GBE1: variants seen among roughly 807,000 people sequenced by gnomAD.
The protein encoded by GBE1 is 1,4-alpha-glucan branching enzyme 1, also known as 1,4-alpha-glucan-branching enzyme.
In GBE1, 70 loss-of-function variants were observed where a neutral mutation model predicts 88.8. That is an observed-to-expected ratio of 0.79 (90% confidence interval 0.65 to 0.96). The LOEUF is 0.96. Among genes scored for constraint, GBE1 ranks in the 40% least tolerant of loss-of-function variants. The pLI is 0.00. For synonymous variants in GBE1, 284 were observed against 300.1 expected (o/e 0.95, Z 0.56); for missense variants, 872 against 871.0 (o/e 1.00, Z -0.01).
chr3:81,611,619 T>C (rs919904332), intron 7 of GBE1, among the ~76,000 whole-genome samples: 18 of 152,148 alleles, frequency 1.2e-4, no homozygotes, highest in Admixed American at 1.0e-3. Flanking sequence ...AGTTTCATCT[T>C]CTGAAGACCT....
At chr3:81,572,648 T>C (rs1364907872) in intron 12 of GBE1, among the ~76,000 whole-genome samples, 2 of 152,230 alleles carry the variant, frequency 1.3e-5, no homozygotes, top group African/African-American at 4.8e-5. Context: ...TATGCTTTAC[T>C]TGATATTTTA....
chr3:81,698,919 G>A (rs1705643656), intron 2 of GBE1, among the ~76,000 whole-genome samples: 1 of 152,194 alleles, frequency 6.6e-6, no homozygotes, highest in Non-Finnish European at 1.5e-5. Context: ...AAGGTGGTGA[G>A]AGCAACGAAA....
chr3:81,751,432 T>C (rs1025697644), intron 1 of GBE1, among the ~76,000 whole-genome samples: 21 of 152,350 alleles, frequency 1.4e-4, no homozygotes, highest in Non-Finnish European at 2.6e-4. Flanking sequence ...CCAGGCTCAC[T>C]TTCAGCTAAG....
chr3:81,507,144 G>A (rs965009770), intron 14 of GBE1, among the ~76,000 whole-genome samples: 5 of 150,886 alleles, frequency 3.3e-5, no homozygotes, highest in African/African-American at 1.2e-4. Flanking sequence ...TGACCTTTAT[G>A]ATTATATTTC....
chr3:81,603,039 T>A (rs1319862748), intron 7 of GBE1, among the ~76,000 whole-genome samples: 1 of 152,100 alleles, frequency 6.6e-6, no homozygotes, highest in Non-Finnish European at 1.5e-5. Flanking sequence ...CTATGGCTCC[T>A]CTATTCCTAA....
At chr3:81,513,263 T>C (rs1702748730) in intron 14 of GBE1, among the ~76,000 whole-genome samples, 1 of 151,530 alleles carries the variant, frequency 6.6e-6, no homozygotes, top group African/African-American at 2.4e-5. Flanking sequence ...AAGACAGTGC[T>C]GCAGGATACA....
intron 14 of GBE1, among the ~76,000 whole-genome samples, chr3:81,527,765 A>C (rs1225942822): frequency 6.6e-6 from 1 of 152,052 alleles, no homozygotes; most frequent in African/African-American, 2.4e-5. Flanking sequence ...TTACACTGTT[A>C]GTGGGAATGT....
intron 12 of GBE1, among the ~76,000 whole-genome samples, chr3:81,553,842 C>CTGAA: frequency 6.6e-6 from 1 of 152,128 alleles, no homozygotes; most frequent in Middle Eastern, 3.4e-3. Flanking sequence ...GTTTCCTTTT[C>CTGAA]TGAATGCCAG....
intron 7 of GBE1, among the ~76,000 whole-genome samples, chr3:81,614,729 C>T (rs998319418): frequency 3.9e-5 from 6 of 151,998 alleles, no homozygotes; most frequent in African/African-American, 7.2e-5. Context: ...CATGGTGGCA[C>T]GTGCCTGTAA....
At chr3:81,619,584 CACTT>C (rs1704298254) in intron 7 of GBE1, among the ~76,000 whole-genome samples, 1 of 151,968 alleles carries the variant, frequency 6.6e-6, no homozygotes, top group Admixed American at 6.6e-5. Context: ...AAATTATTAA[CACTT>C]AACACATCAT....
intron 3 of GBE1, among the ~76,000 whole-genome samples, chr3:81,667,124 G>T (rs145315623): frequency 9.3e-4 from 141 of 152,214 alleles, no homozygotes; most frequent in Middle Eastern, 3.4e-3. Context: ...ATTTCCTTGA[G>T]CAGTGGTTTG....
intron 1 of GBE1, among the ~76,000 whole-genome samples, chr3:81,726,985 A>G (rs1206939558): frequency 6.6e-6 from 1 of 152,074 alleles, no homozygotes; most frequent in Non-Finnish European, 1.5e-5. Flanking sequence ...CGTCATGGTG[A>G]CTTATTCAAA....
intron 2 of GBE1, among the ~76,000 whole-genome samples, chr3:81,702,314 C>A (rs911385269): frequency 2.6e-5 from 4 of 151,992 alleles, no homozygotes; most frequent in African/African-American, 9.6e-5. Flanking sequence ...AGAATTCAGG[C>A]TCCACTCTCA....
chr3:81,532,831 G>A (rs998354252), intron 14 of GBE1, among the ~76,000 whole-genome samples: 2 of 151,950 alleles, frequency 1.3e-5, no homozygotes, highest in African/African-American at 4.8e-5. Context: ...AATAGTCTAC[G>A]ATTTCTAATA....
intron 7 of GBE1, among the ~76,000 whole-genome samples, chr3:81,595,678 T>A (rs902113882): frequency 6.6e-6 from 1 of 151,940 alleles, no homozygotes; most frequent in Non-Finnish European, 1.5e-5. Context: ...ATAGAAAGAA[T>A]TGCCCAGTGT....
At chr3:81,577,077 T>C (rs905952462) in intron 12 of GBE1, among the ~76,000 whole-genome samples, 14 of 152,020 alleles carry the variant, frequency 9.2e-5, no homozygotes, top group Middle Eastern at 3.4e-3. Flanking sequence ...TTAGCTAGGG[T>C]ACAGGCACGC....
At chr3:81,507,686 A>T (rs200607731) in intron 14 of GBE1, among the ~76,000 whole-genome samples, 16 of 137,244 alleles carry the variant, frequency 1.2e-4, no homozygotes, top group Admixed American at 1.2e-3. Flanking sequence ...GTATATATAT[A>T]TGTGTATATA....
At position 81,525,538 on chromosome 3, in the gene GBE1, T is replaced by C. The variant is rs529577942; in HGVS notation, c.1934+9657A>G. On this transcript the variant is annotated intron_variant, in intron 14 of 15. Transcript: ENST00000429644. ...TGAGGCTTTGGTATCAGGATGATGC[T>C]GGCCTCATAAAATGAGTTAGGGAGG... Among the ~76,000 whole-genome samples the C allele has an allele frequency of 4.6e-5, 7 of 152,268 alleles. No homozygotes were observed. In the South Asian group the frequency reaches 1.0e-3, roughly 22 times the overall value.
intron 2 of GBE1, among the ~76,000 whole-genome samples, chr3:81,692,520 C>A (rs370849855): frequency 1.6e-4 from 24 of 152,232 alleles, no homozygotes; most frequent in South Asian, 4.2e-4. Flanking sequence ...AATGCAGAGC[C>A]CCCTTTTGCT....
Sources: gnomAD v4.1 joint callset for allele counts (sites outside exome capture counted in the v4.1 genomes callset) on GRCh38, gnomAD v4.1.1 for gene constraint, MANE v1.5 for transcripts, NCBI Gene and HGNC (gene_info 2026-07-23, HGNC 2026-07-21) for gene names.